Variants in TRABD2B observed in about 807,000 individuals in gnomAD.
TRABD2B encodes metalloprotease TIKI2.
In TRABD2B, 14 loss-of-function variants were observed where a neutral mutation model predicts 40.1. That is an observed-to-expected ratio of 0.35 (90% CI 0.23 to 0.55). TRABD2B has a LOEUF of 0.55. Ranked by LOEUF, TRABD2B falls within the 20% of genes least tolerant of loss-of-function variation. The probability of loss-of-function intolerance (pLI) is 0.90; values close to 1 mark genes in which losing one functional copy is unlikely to be tolerated. For missense variants in TRABD2B, 541 were observed against 648.6 expected (o/e 0.83, Z 1.80); for synonymous variants, 263 against 277.0 (o/e 0.95, Z 0.50).
intron 2 of TRABD2B, among the ~76,000 whole-genome samples, chr1:47,970,140 G>C (rs1645660658): frequency 6.6e-6 from 1 of 151,988 alleles, no homozygotes; most frequent in Non-Finnish European, 1.5e-5. Flanking sequence ...TGTTTTCCAA[G>C]TCCTTGTTAT....
chr1:47,820,118 C>G (rs558467648), intron 2 of TRABD2B: 1 of 152,382 alleles, frequency 6.6e-6, no homozygotes, highest in Non-Finnish European at 1.5e-5. Flanking sequence ...TTTATCACAT[C>G]ACCTTCCACA....
At chr1:47,809,418 AC>A in intron 2 of TRABD2B, among the ~76,000 whole-genome samples, 1 of 151,900 alleles carries the variant, frequency 6.6e-6, no homozygotes, top group African/African-American at 2.4e-5. Context: ...CCGTCACAGG[AC>A]CCCCACCCTG....
At chr1:47,904,683 C>T (rs2124687989) in intron 2 of TRABD2B, among the ~76,000 whole-genome samples, 1 of 152,164 alleles carries the variant, frequency 6.6e-6, no homozygotes, top group East Asian at 1.9e-4. Context: ...TCCTGCAAAG[C>T]CTAGTACAGG....
intron 2 of TRABD2B, among the ~76,000 whole-genome samples, chr1:47,829,493 T>A (rs1291517600): frequency 6.6e-6 from 1 of 152,080 alleles, no homozygotes; most frequent in Non-Finnish European, 1.5e-5. Flanking sequence ...TCCACATCCG[T>A]CTGCAGGAGC....
chr1:47,783,185 G>T (rs768302963), intron 4 of TRABD2B, among the ~76,000 whole-genome samples: 2 of 151,972 alleles, frequency 1.3e-5, no homozygotes, highest in Admixed American at 1.3e-4. Context: ...GAGCAGAAAG[G>T]CAATGTGGAG....
chr1:47,952,961 A>C (rs921784533), intron 2 of TRABD2B, among the ~76,000 whole-genome samples: 3 of 151,904 alleles, frequency 2.0e-5, no homozygotes, highest in African/African-American at 7.3e-5. Context: ...GGACAGCCGC[A>C]CTCTGCTGTG....
intron 2 of TRABD2B, among the ~76,000 whole-genome samples, chr1:47,975,150 G>A (rs1363967590): frequency 6.6e-6 from 1 of 152,098 alleles, no homozygotes; most frequent in Non-Finnish European, 1.5e-5. Flanking sequence ...GTAACATATG[G>A]ACTTTAGTTA....
At chr1:47,899,529 A>G (rs1226982377) in intron 2 of TRABD2B, among the ~76,000 whole-genome samples, 2 of 152,264 alleles carry the variant, frequency 1.3e-5, no homozygotes, top group East Asian at 3.8e-4. Context: ...ATAAGAGGAT[A>G]TCTGCCTACG....
chr1:47,935,081 C>T (rs955632524), intron 2 of TRABD2B, among the ~76,000 whole-genome samples: 5 of 152,160 alleles, frequency 3.3e-5, no homozygotes, highest in Admixed American at 1.3e-4. Context: ...CACAGCCTCC[C>T]ACCCGCAGGT....
At chr1:47,875,640 T>C (rs1183984361) in intron 2 of TRABD2B, among the ~76,000 whole-genome samples, 9 of 126,004 alleles carry the variant, frequency 7.1e-5, no homozygotes, top group Non-Finnish European at 3.1e-5. Context: ...TGAACCATGA[T>C]CGTGCTACTG....
At chr1:47,865,118 C>A (rs771408419) in intron 2 of TRABD2B, among the ~76,000 whole-genome samples, 4 of 152,130 alleles carry the variant, frequency 2.6e-5, no homozygotes, top group Non-Finnish European at 5.9e-5. Context: ...GTGGGTCCTC[C>A]CCAAGAACTG....
chr1:47,809,277 C>T (rs1185688051), intron 2 of TRABD2B, among the ~76,000 whole-genome samples: 13 of 152,182 alleles, frequency 8.5e-5, no homozygotes, highest in Admixed American at 7.9e-4. Flanking sequence ...AGGATGAATG[C>T]TCTGAGGTCA....
At chr1:47,810,932 G>T (rs1352251493) in intron 2 of TRABD2B, among the ~76,000 whole-genome samples, 1 of 152,242 alleles carries the variant, frequency 6.6e-6, no homozygotes, top group Admixed American at 6.5e-5. Context: ...CCCATCTCCT[G>T]CCAGGGAGGA....
chr1:47,782,523 G>T (rs1252622634), intron 4 of TRABD2B, among the ~76,000 whole-genome samples: 1 of 152,232 alleles, frequency 6.6e-6, no homozygotes, highest in Non-Finnish European at 1.5e-5. Context: ...GCATGTGGCA[G>T]TGGCTTTGTG....
At position 47,898,523 on chromosome 1, in the gene TRABD2B, G is replaced by A. The variant is rs1288122235; in HGVS notation, c.666+95511C>T. On this transcript the variant is annotated intron_variant, in intron 2 of 6. Transcript: ENST00000606738. ...TGGGAACAGTCAAGAGCAAGTTAGGGGCTCTGCATCTTCAAGGGGACTTTT... is the reference window on the plus strand; with the variant it reads ...TGGGAACAGTCAAGAGCAAGTTAGGAGCTCTGCATCTTCAAGGGGACTTTT... Among the ~76,000 whole-genome samples, 4 of 152,250 alleles carry A rather than the reference G, an allele frequency of 2.6e-5. No homozygotes were observed. In the East Asian group the frequency reaches 7.7e-4, roughly 29 times the overall value.
At chr1:47,870,871 G>C (rs1644130906) in intron 2 of TRABD2B, among the ~76,000 whole-genome samples, 2 of 152,274 alleles carry the variant, frequency 1.3e-5, no homozygotes, top group South Asian at 4.1e-4. Context: ...GGATTGTCTA[G>C]GCAGATCAGA....
chr1:47,894,293 T>C (rs1359458231), intron 2 of TRABD2B, among the ~76,000 whole-genome samples: 1 of 152,182 alleles, frequency 6.6e-6, no homozygotes, highest in Non-Finnish European at 1.5e-5. Flanking sequence ...AATTTCCGTA[T>C]CTCTGTAATG....
At chr1:47,950,007 G>A (rs1041749516) in intron 2 of TRABD2B, among the ~76,000 whole-genome samples, 3 of 152,162 alleles carry the variant, frequency 2.0e-5, no homozygotes, top group South Asian at 2.1e-4. Context: ...AGAGGTAGGC[G>A]GGGCACAGTG....
At chr1:47,847,380 T>C (rs1645486463) in intron 2 of TRABD2B, among the ~76,000 whole-genome samples, 1 of 152,208 alleles carries the variant, frequency 6.6e-6, no homozygotes, top group Non-Finnish European at 1.5e-5. Flanking sequence ...AGGGCCCATA[T>C]TGATTATCTT....
Sources: gnomAD v4.1 joint callset for allele counts (sites outside exome capture counted in the v4.1 genomes callset) on GRCh38, gnomAD v4.1.1 for gene constraint, MANE v1.5 for transcripts, NCBI Gene and HGNC (gene_info 2026-07-23, HGNC 2026-07-21) for gene names.